Variants in CNKSR3 observed in about 807,000 individuals in gnomAD.
CNKSR3 encodes the protein CNKSR family member 3.
A neutral mutation model predicts 67.7 loss-of-function variants in CNKSR3; 36 were observed. That is an observed-to-expected ratio of 0.53 (90% confidence interval 0.41 to 0.70). The LOEUF is 0.70. CNKSR3 is among the 30% of genes least tolerant of loss of function. The probability of loss-of-function intolerance (pLI) is 0.00; values close to 1 mark genes in which losing one functional copy is unlikely to be tolerated. For synonymous variants in CNKSR3, 281 were observed against 271.4 expected, an observed-to-expected ratio of 1.04 and a Z score of -0.35; for missense variants, 630 against 695.2, an observed-to-expected ratio of 0.91 and a Z score of 1.05.
In CNKSR3 at chr6:154,390,578, C is replaced by G. The variant is rs1040200524; in HGVS notation, c.*15776G>C. On this transcript the variant is annotated 3_prime_UTR_variant, in exon 13 of 13. Transcript: ENST00000607772. ...CTTACAGCTTTCCAGAGAAGTTTCA[C>G]TGAGTGGGACACAATTGCCTAGTGC... is the stretch of plus-strand genomic sequence containing the variant. 6.6e-6 allele frequency: 1 copy of G among 152,184 alleles called. No homozygotes were observed. The highest frequency in any genetic ancestry group is 1.5e-5 in the Non-Finnish European group (1 of 68,044). The allele number at this position is 152,184 out of a possible 1,614,324, so 9.4% of individuals were successfully genotyped here.
At chr6:154,414,631 T>G in intron 9 of CNKSR3, 2 of 643,020 alleles carry the variant, frequency 3.1e-6, no homozygotes, top group South Asian at 3.0e-5. Flanking sequence ...TGACGATGTA[T>G]AGTGGCAAGA....
chr6:154,431,008 T>G (rs1785356167), intron 5 of CNKSR3, among the ~76,000 whole-genome samples: 1 of 152,158 alleles, frequency 6.6e-6, no homozygotes, highest in African/African-American at 2.4e-5. Flanking sequence ...GACTTTACTT[T>G]TTTAAGCTGT....
chr6:154,417,823 C>G (rs1185790130), intron 9 of CNKSR3, among the ~76,000 whole-genome samples: 4 of 152,112 alleles, frequency 2.6e-5, no homozygotes, highest in Non-Finnish European at 5.9e-5. Flanking sequence ...CCACTGACTC[C>G]TTGACTTTGA....
At chr6:154,475,197 T>C (rs1786418378) in intron 1 of CNKSR3, among the ~76,000 whole-genome samples, 1 of 152,060 alleles carries the variant, frequency 6.6e-6, no homozygotes, top group Non-Finnish European at 1.5e-5. Context: ...CAGAACCCAT[T>C]GTCTTCCCAC....
At chr6:154,447,733 C>T (rs1002839131) in intron 2 of CNKSR3, among the ~76,000 whole-genome samples, 1 of 152,096 alleles carries the variant, frequency 6.6e-6, no homozygotes, top group Non-Finnish European at 1.5e-5. Flanking sequence ...ATATTCATTT[C>T]CTGTCTATCA....
rs1007606569 is a variant in CNKSR3, at chr6:154,450,200, G to A, written c.111C>T (p.Gly37=). The A allele has an allele frequency of 4.3e-6, 7 of 1,614,032 alleles. No homozygotes were observed. Among genetic ancestry groups the A allele is most frequent in the Admixed American group, 3.3e-5 (2 of 60,000 alleles). Reference sequence around the variant, plus strand: ...GATGGGAAATCTGCAGCAGCTGCTCGCCGTTGATCTTCTCTCGTTCAAACT... The same window carrying A: ...GATGGGAAATCTGCAGCAGCTGCTCACCGTTGATCTTCTCTCGTTCAAACT... The part of the protein sequence containing the change: ...VHKFEREKIN[G]EQLLQISHQD... Residue 37 remains glycine, a synonymous_variant, in exon 2 of 13, where the codon GGC becomes GGT. Coordinates refer to ENST00000607772, the MANE Select transcript of CNKSR3 (RefSeq NM_173515.4).
At chr6:154,418,813 G>A (rs957185944) in intron 9 of CNKSR3, among the ~76,000 whole-genome samples, 1 of 151,986 alleles carries the variant, frequency 6.6e-6, no homozygotes, top group African/African-American at 2.4e-5. Context: ...ACAGACAAGT[G>A]GGATTACATC....
At chr6:154,451,376 A>G (rs1223188809) in intron 1 of CNKSR3, among the ~76,000 whole-genome samples, 1 of 152,264 alleles carries the variant, frequency 6.6e-6, no homozygotes, top group African/African-American at 2.4e-5. Flanking sequence ...AAGTGTTTTA[A>G]AAGTTATATA....
chr6:154,456,330 T>C (rs74406457), intron 1 of CNKSR3, among the ~76,000 whole-genome samples: 5,345 of 152,072 alleles, frequency 0.035, 255 homozygotes, highest in African/African-American at 0.11. Flanking sequence ...GTTTTGTTTT[T>C]TTAATGATTA....
At chr6:154,462,254 T>C (rs534902923) in intron 1 of CNKSR3, among the ~76,000 whole-genome samples, 1 of 133,942 alleles carries the variant, frequency 7.5e-6, no homozygotes, top group Non-Finnish European at 1.6e-5. Flanking sequence ...AATTATACAA[T>C]AACGTTGTAT....
In CNKSR3 at chr6:154,387,885, GCTCT is replaced by G. The variant is rs891034223; in HGVS notation, c.*18465_*18468del. 6.6e-6 allele frequency: 1 copy of G among 152,146 alleles called. No homozygotes were observed. The highest frequency in any genetic ancestry group is 1.5e-5 in the Non-Finnish European group (1 of 68,040). The allele number at this position is 152,146 out of a possible 1,614,324, so 9.4% of individuals were successfully genotyped here. A position where few individuals can be genotyped will look rare whatever the true frequency, so the allele number is the denominator to read the frequency against. ...AACTAATAAATGAATTTTTACAAGA[GCTCT>G]CTCTCCCTTAAATAGGTTTAAATTT... On this transcript the variant is annotated 3_prime_UTR_variant, in exon 13 of 13. Transcript: ENST00000607772.
chr6:154,505,520 CAG>C (rs1318232540), intron 1 of CNKSR3, among the ~76,000 whole-genome samples: 1 of 145,578 alleles, frequency 6.9e-6, no homozygotes, highest in Non-Finnish European at 1.5e-5. Context: ...TTTTTTGAGA[CAG>C]AGTCTCACTC....
intron 1 of CNKSR3, among the ~76,000 whole-genome samples, chr6:154,451,513 G>A (rs28515544): frequency 2.6e-5 from 3 of 117,296 alleles, no homozygotes; most frequent in African/African-American, 6.7e-5. Context: ...GCACACACAC[G>A]CGCACACTCG....
At chr6:154,425,291 T>C (rs1229268542) in intron 7 of CNKSR3, among the ~76,000 whole-genome samples, 1 of 152,226 alleles carries the variant, frequency 6.6e-6, no homozygotes, top group Admixed American at 6.5e-5. Context: ...TCTAGATGTG[T>C]AATCTTAAAA....
In CNKSR3 at chr6:154,510,401, C is replaced by G. The variant is rs1787192314; in HGVS notation, c.-287G>C. ...GCTCCCGAGCGACGGCAGCTGCAGG[C>G]ACGCCGGGCTGCGACCCCAGACCCC... is the stretch of plus-strand genomic sequence containing the variant. On this transcript the variant is annotated 5_prime_UTR_variant, in exon 1 of 13. Transcript: ENST00000607772. 1 of 489,282 alleles carries G rather than the reference C, an allele frequency of 2.0e-6. No individual in the cohort carries two copies. Among genetic ancestry groups the G allele is most frequent in the Non-Finnish European group, 3.6e-6 (1 of 277,730 alleles). 30.3% of individuals were successfully genotyped at this position (489,282 alleles called of 1,614,324 possible). A position where few individuals can be genotyped will look rare whatever the true frequency, so the allele number is the denominator to read the frequency against.
At position 154,441,971 on chromosome 6, in the gene CNKSR3, C is replaced by T. The variant is rs868191962; in HGVS notation, c.419+117G>A. ...CACTGATCGAGGACTCCTTAAGAGC[C>T]GGTAAAAATGATATGAAAAGAACAA... is the stretch of plus-strand genomic sequence containing the variant. On this transcript the variant is annotated intron_variant, in intron 3 of 12. Coordinates refer to ENST00000607772, the MANE Select transcript of CNKSR3 (RefSeq NM_173515.4). 5.2e-6 allele frequency: 5 copies of T among 962,048 alleles called. No individual in the cohort carries two copies. The Admixed American group carries it at 8.9e-5, about 17-fold the overall frequency. 59.6% of individuals were successfully genotyped at this position (962,048 alleles called of 1,614,324 possible). A position where few individuals can be genotyped will look rare whatever the true frequency, so the allele number is the denominator to read the frequency against.
Position 154,388,185 on chromosome 6 carries a change from C to A in CNKSR3, c.*18169G>T, listed in dbSNP as rs1784569816. The stretch of plus-strand genomic sequence containing the variant: ...TAGTAACTCCCCACTCCCCTCAGCC[C>A]CTGGCCACCATCATTTCACTCTTTG... On this transcript the variant is annotated 3_prime_UTR_variant, in exon 13 of 13. Coordinates refer to ENST00000607772, the MANE Select transcript of CNKSR3 (RefSeq NM_173515.4). 1 of 152,146 alleles carries A rather than the reference C, an allele frequency of 6.6e-6. No homozygotes were observed. The highest frequency in any genetic ancestry group is 1.5e-5 in the Non-Finnish European group (1 of 68,034). The allele number at this position is 152,146 out of a possible 1,614,324, so 9.4% of individuals were successfully genotyped here.
intron 12 of CNKSR3, 145 bp from the exon 13 acceptor site, chr6:154,406,797 G>A (rs907876303): frequency 2.9e-6 from 2 of 694,242 alleles, no homozygotes; most frequent in South Asian, 1.9e-5. Flanking sequence ...GTGAAACCCC[G>A]TCTCTACTGA....
intron 1 of CNKSR3, among the ~76,000 whole-genome samples, chr6:154,455,049 C>G (rs916836584): frequency 3.6e-4 from 54 of 151,660 alleles, no homozygotes; most frequent in African/African-American, 1.2e-3. Context: ...TGGCTCACAT[C>G]TGTAATCCCA....
Sources: allele counts gnomAD v4.1 joint callset (sites outside exome capture counted in the v4.1 genomes callset), GRCh38; gene constraint gnomAD v4.1.1; transcripts MANE v1.5; gene names NCBI Gene and HGNC (gene_info 2026-07-23, HGNC 2026-07-21).